Variants in QTMAN observed in about 807,000 individuals in gnomAD.
QTMAN encodes queuosine-tRNA mannosyltransferase, also known as tRNA-queuosine alpha-mannosyltransferase.
At chr2:144,188,496 T>C in the QTMAN span, among the ~76,000 whole-genome samples, 1 of 150,918 alleles carries the variant, frequency 6.6e-6, no homozygotes, top group Non-Finnish European at 1.5e-5. Context: ...TTATGCTGAG[T>C]CCTTTTGCAA....
At chr2:144,048,207 G>C in the QTMAN span, among the ~76,000 whole-genome samples, 1 of 152,188 alleles carries the variant, frequency 6.6e-6, no homozygotes, top group African/African-American at 2.4e-5. Context: ...AACAACTAGG[G>C]AGTAACATTA....
the QTMAN span, among the ~76,000 whole-genome samples, chr2:144,085,325 A>G: frequency 6.6e-6 from 1 of 152,248 alleles, no homozygotes; most frequent in African/African-American, 2.4e-5. Flanking sequence ...TGTAAGCAGC[A>G]TAATAAGATT....
the QTMAN span, among the ~76,000 whole-genome samples, chr2:144,090,741 A>G: frequency 3.3e-5 from 5 of 152,066 alleles, no homozygotes; most frequent in African/African-American, 1.2e-4. Context: ...GGATCAGAAG[A>G]TTCAATACTG....
At chr2:144,115,544 G>T in the QTMAN span, among the ~76,000 whole-genome samples, 1 of 152,204 alleles carries the variant, frequency 6.6e-6, no homozygotes, top group Non-Finnish European at 1.5e-5. Flanking sequence ...TGATCCACCA[G>T]GACATCGCTC....
chr2:144,247,267 G>A, the QTMAN span, among the ~76,000 whole-genome samples: 2 of 152,084 alleles, frequency 1.3e-5, no homozygotes, highest in African/African-American at 4.8e-5. Flanking sequence ...TTCCCTTTAT[G>A]GAAAATTATA....
At chr2:143,997,340 T>C in the QTMAN span, among the ~76,000 whole-genome samples, 5 of 152,282 alleles carry the variant, frequency 3.3e-5, no homozygotes, top group South Asian at 1.0e-3. Flanking sequence ...GGAAAGTTAT[T>C]GTTTGTTAAA....
chr2:144,101,110 C>T, the QTMAN span, among the ~76,000 whole-genome samples: 18 of 152,142 alleles, frequency 1.2e-4, no homozygotes, highest in African/African-American at 2.4e-4. Flanking sequence ...CCTCGTGATC[C>T]GCCCGCCTTG....
At chr2:144,249,723 T>C in the QTMAN span, among the ~76,000 whole-genome samples, 1 of 152,344 alleles carries the variant, frequency 6.6e-6, no homozygotes, top group African/African-American at 2.4e-5. Flanking sequence ...TATTGTTATA[T>C]GTAATCCAGA....
the QTMAN span, among the ~76,000 whole-genome samples, chr2:144,162,583 C>A: frequency 6.6e-6 from 1 of 152,064 alleles, no homozygotes; most frequent in South Asian, 2.1e-4. Context: ...AGAGAAAAAT[C>A]TGGCCAAGTT....
the QTMAN span, among the ~76,000 whole-genome samples, chr2:144,226,780 T>C: frequency 1.3e-5 from 2 of 152,264 alleles, no homozygotes; most frequent in African/African-American, 4.8e-5. Context: ...CAGTTGTTCA[T>C]TTTGTCCTCT....
chr2:144,317,519 G>A, the QTMAN span: 3 of 152,300 alleles, frequency 2.0e-5, no homozygotes, highest in South Asian at 6.2e-4. Context: ...TGGAGTCCAC[G>A]AATGCCAGGA....
the QTMAN span, among the ~76,000 whole-genome samples, chr2:144,087,632 T>C: frequency 1.3e-5 from 2 of 152,094 alleles, no homozygotes; most frequent in African/African-American, 4.8e-5. Flanking sequence ...GAAGGATTTA[T>C]ACAATCAAGA....
At chr2:144,253,817 A>G in the QTMAN span, among the ~76,000 whole-genome samples, 6 of 152,072 alleles carry the variant, frequency 3.9e-5, no homozygotes, top group Admixed American at 1.3e-4. Context: ...AAATTTTCGT[A>G]AGTAACAAGG....
At chr2:144,261,431 C>T in the QTMAN span, among the ~76,000 whole-genome samples, 3 of 152,050 alleles carry the variant, frequency 2.0e-5, no homozygotes, top group Non-Finnish European at 4.4e-5. Flanking sequence ...CCTTGGTTTA[C>T]ACCTGGTTTT....
At chr2:144,137,704 T>G in the QTMAN span, among the ~76,000 whole-genome samples, 5 of 151,794 alleles carry the variant, frequency 3.3e-5, no homozygotes, top group African/African-American at 9.7e-5. Flanking sequence ...ATCCATAAAA[T>G]AAGAAGAGGA....
chr2:144,165,150 T>A, the QTMAN span, among the ~76,000 whole-genome samples: 1 of 152,028 alleles, frequency 6.6e-6, no homozygotes, highest in Admixed American at 6.6e-5. Context: ...GGCGGGTGGA[T>A]CACGAGGTCA....
the QTMAN span, chr2:144,127,856 T>G: frequency 1.3e-5 from 2 of 152,084 alleles, 1 homozygote; most frequent in South Asian, 4.1e-4. Context: ...TAAGTTTATG[T>G]TCTTCCCCCT....
At chr2:144,032,925 A>T in the QTMAN span, among the ~76,000 whole-genome samples, 1 of 152,228 alleles carries the variant, frequency 6.6e-6, no homozygotes. Context: ...GGGGAAAAAA[A>T]TAGGGACTAG....
chr2:144,233,134 A>C, the QTMAN span, among the ~76,000 whole-genome samples: 1 of 152,172 alleles, frequency 6.6e-6, no homozygotes, highest in Non-Finnish European at 1.5e-5. Context: ...GGTCTCAACA[A>C]GAGATACCTT....
Sources: allele counts gnomAD v4.1 joint callset (sites outside exome capture counted in the v4.1 genomes callset), GRCh38; gene constraint gnomAD v4.1.1; transcripts MANE v1.5; gene names NCBI Gene and HGNC (gene_info 2026-07-23, HGNC 2026-07-21).